The following YES1 variants were observed in gnomAD, a reference collection of about 807,000 sequenced individuals.
The protein encoded by YES1 is YES proto-oncogene 1, Src family tyrosine kinase, also known as tyrosine-protein kinase Yes.
A neutral mutation model predicts 70.4 loss-of-function variants in YES1; 39 were observed. That is an observed-to-expected ratio of 0.55 (90% CI 0.43 to 0.72). YES1 has a LOEUF of 0.72. Among genes scored for constraint, YES1 ranks in the 30% least tolerant of loss-of-function variants. The pLI, the probability that YES1 is intolerant of heterozygous loss-of-function variation, is 0.00. For synonymous variants in YES1, 198 were observed against 218.6 expected, an observed-to-expected ratio of 0.91 and a Z score of 0.83; for missense variants, 495 against 644.8, an observed-to-expected ratio of 0.77 and a Z score of 2.52.
intron 1 of YES1, chr18:788,109 T>C (rs1330216933): frequency 6.6e-6 from 1 of 152,320 alleles, no homozygotes; most frequent in East Asian, 1.9e-4. Flanking sequence ...CTCCCAACTA[T>C]ATGAACTTGC....
intron 11 of YES1, among the ~76,000 whole-genome samples, chr18:731,178 T>A (rs2080083732): frequency 6.6e-6 from 1 of 152,128 alleles, no homozygotes; most frequent in Non-Finnish European, 1.5e-5. Flanking sequence ...GGGTTGCAGT[T>A]ATTGGTAACA....
intron 9 of YES1, 44 bp downstream of exon 9, chr18:739,691 T>C: frequency 7.0e-7 from 1 of 1,422,928 alleles, no homozygotes; most frequent in Non-Finnish European, 9.7e-7. Flanking sequence ...CACATTTTAA[T>C]TTACACTTTT....
chr18:787,754 T>C (rs1222014935), intron 1 of YES1: 1 of 152,128 alleles, frequency 6.6e-6, no homozygotes, highest in Non-Finnish European at 1.5e-5. Flanking sequence ...CTTTTCCCCA[T>C]CATCATTTAG....
chr18:800,615 A>AC, intron 1 of YES1, among the ~76,000 whole-genome samples: 2 of 152,238 alleles, frequency 1.3e-5, no homozygotes, highest in Non-Finnish European at 2.9e-5. Context: ...AAAGGAAGCC[A>AC]AAGAAGAAAA....
chr18:768,839 A>C (rs1481736587), intron 1 of YES1, among the ~76,000 whole-genome samples: 5 of 152,080 alleles, frequency 3.3e-5, no homozygotes, highest in Non-Finnish European at 7.4e-5. Context: ...AGTAGCTCGG[A>C]TTACAGGCAT....
In YES1 at chr18:723,576, T is replaced by G. The variant is rs1316899226; in HGVS notation, c.*848A>C. ...TAGTTTTTAAAAAGGGCTTTTAAAA[T>G]GCTGGGTCTTACTTTGCATGCTATC... is the stretch of plus-strand genomic sequence containing the variant. On this transcript the variant is annotated 3_prime_UTR_variant, in exon 12 of 12. Coordinates refer to ENST00000314574, the MANE Select transcript of YES1 (RefSeq NM_005433.4). 2 of 152,650 alleles carry G rather than the reference T, an allele frequency of 1.3e-5. No homozygotes were observed. The highest frequency in any genetic ancestry group is 2.9e-5 in the Non-Finnish European group (2 of 68,030). The allele number at this position is 152,650 out of a possible 1,614,324, so 9.5% of individuals were successfully genotyped here. A position where few individuals can be genotyped will look rare whatever the true frequency, so the allele number is the denominator to read the frequency against.
intron 2 of YES1, 39 bp downstream of exon 2, chr18:756,518 T>C (rs751233510): frequency 6.2e-7 from 1 of 1,609,914 alleles, no homozygotes; most frequent in Non-Finnish European, 8.5e-7. Flanking sequence ...CAAGGTGATG[T>C]TCTCAAACAG....
At chr18:765,156 G>C (rs1904818888) in intron 1 of YES1, among the ~76,000 whole-genome samples, 1 of 149,114 alleles carries the variant, frequency 6.7e-6, no homozygotes, top group Non-Finnish European at 1.5e-5. Flanking sequence ...GAGAAATTAG[G>C]AAGCAACCAT....
chr18:735,504 G>C (rs941826963), intron 10 of YES1, among the ~76,000 whole-genome samples: 1 of 151,118 alleles, frequency 6.6e-6, no homozygotes, highest in Non-Finnish European at 1.5e-5. Flanking sequence ...GGAAAGGTTG[G>C]GGGGTGGATA....
chr18:724,306 A>C lies in YES1; in HGVS notation c.*118T>G. The C allele has an allele frequency of 9.9e-7, 1 of 1,006,336 alleles. No homozygotes were observed. The highest frequency in any genetic ancestry group is 1.4e-6 in the Non-Finnish European group (1 of 694,466). The allele number at this position is 1,006,336 out of a possible 1,614,324, so 62.3% of individuals were successfully genotyped here. On this transcript the variant is annotated 3_prime_UTR_variant, in exon 12 of 12. Coordinates refer to ENST00000314574, the MANE Select transcript of YES1 (RefSeq NM_005433.4). Reference sequence around the variant, plus strand: ...TTTGTGCAACCATATCTGGGATTCCAGTTTACCATTAAAAACATGCAGAGT... The same window carrying C: ...TTTGTGCAACCATATCTGGGATTCCCGTTTACCATTAAAAACATGCAGAGT...
intron 1 of YES1, among the ~76,000 whole-genome samples, chr18:777,824 A>G (rs1349790360): frequency 6.6e-6 from 1 of 151,746 alleles, no homozygotes; most frequent in African/African-American, 2.4e-5. Flanking sequence ...AAAAAAAAAA[A>G]AATTAAAAAA....
chr18:722,885 G>A lies in YES1; in HGVS notation c.*1539C>T, dbSNP rs1488152546. On this transcript the variant is annotated 3_prime_UTR_variant, in exon 12 of 12. Coordinates refer to ENST00000314574, the MANE Select transcript of YES1 (RefSeq NM_005433.4). The stretch of plus-strand genomic sequence containing the variant: ...AGGCGGGCAGATCACAAGGTCAGGA[G>A]ATCGAGACTATCCTGGCTAACACGG... The A allele has an allele frequency of 1.3e-5, 2 of 152,336 alleles. No homozygotes were observed. Among genetic ancestry groups the A allele is most frequent in the African/African-American group, 4.8e-5 (2 of 41,578 alleles). 9.4% of individuals were successfully genotyped at this position (152,336 alleles called of 1,614,324 possible). A position where few individuals can be genotyped will look rare whatever the true frequency, so the allele number is the denominator to read the frequency against.
At chr18:777,241 A>G (rs1905428528) in intron 1 of YES1, among the ~76,000 whole-genome samples, 1 of 152,170 alleles carries the variant, frequency 6.6e-6, no homozygotes, top group South Asian at 2.1e-4. Flanking sequence ...AGGATCTTCT[A>G]TTTCCTTCTA....
At chr18:790,210 T>C (rs902161124) in intron 1 of YES1, among the ~76,000 whole-genome samples, 1 of 152,064 alleles carries the variant, frequency 6.6e-6, no homozygotes, top group African/African-American at 2.4e-5. Context: ...ATCCTGTCTC[T>C]ACTAAAAATA....
At chr18:785,355 C>T (rs1905880978) in intron 1 of YES1, among the ~76,000 whole-genome samples, 1 of 152,044 alleles carries the variant, frequency 6.6e-6, no homozygotes, top group African/African-American at 2.4e-5. Flanking sequence ...GGAAACAAGT[C>T]AATAAGAGAT....
chr18:766,784 G>A (rs918193610), intron 1 of YES1, among the ~76,000 whole-genome samples: 6 of 151,822 alleles, frequency 4.0e-5, no homozygotes, highest in African/African-American at 1.5e-4. Flanking sequence ...ATTTTTAATT[G>A]GGCTGTCTTC....
At chr18:747,858 G>C in intron 4 of YES1, 62 bp downstream of exon 4, 2 of 1,478,856 alleles carry the variant, frequency 1.4e-6, no homozygotes, top group Non-Finnish European at 1.9e-6. Context: ...TGGCTAAGTA[G>C]AATGTGCATT....
At chr18:811,104 G>A (rs1321806197) in intron 1 of YES1, among the ~76,000 whole-genome samples, 2 of 152,156 alleles carry the variant, frequency 1.3e-5, no homozygotes, top group African/African-American at 4.8e-5. Flanking sequence ...CTTTGGCACT[G>A]TAATCTTACA....
chr18:779,732 T>C (rs1413521808), intron 1 of YES1, among the ~76,000 whole-genome samples: 1 of 152,194 alleles, frequency 6.6e-6, no homozygotes, highest in African/African-American at 2.4e-5. Context: ...TTTCACACCT[T>C]ACTTCCAGTC....
Sources: allele counts gnomAD v4.1 joint callset (sites outside exome capture counted in the v4.1 genomes callset), GRCh38; gene constraint gnomAD v4.1.1; transcripts MANE v1.5; gene names NCBI Gene and HGNC (gene_info 2026-07-23, HGNC 2026-07-21).